The following FBXL7 variants were observed in gnomAD, a reference collection of about 807,000 sequenced individuals.
FBXL7 encodes F-box and leucine rich repeat protein 7.
A neutral mutation model predicts 38.3 loss-of-function variants in FBXL7; 12 were observed. That is an observed-to-expected ratio of 0.31 (90% CI 0.20 to 0.51). The LOEUF is 0.51. Among genes scored for constraint, FBXL7 ranks in the 20% least tolerant of loss-of-function variants. The pLI is 0.98. For missense variants in FBXL7, 567 were observed against 676.4 expected, an observed-to-expected ratio of 0.84 and a Z score of 1.79; for synonymous variants, 297 against 300.9, an observed-to-expected ratio of 0.99 and a Z score of 0.13.
chr5:15,852,982 G>T (rs1037921826), intron 2 of FBXL7, among the ~76,000 whole-genome samples: 7 of 152,136 alleles, frequency 4.6e-5, no homozygotes, highest in African/African-American at 1.7e-4. Context: ...ACTCATGGAG[G>T]GCTGACTATT....
At chr5:15,722,426 A>T (rs1744223944) in intron 2 of FBXL7, among the ~76,000 whole-genome samples, 3 of 152,124 alleles carry the variant, frequency 2.0e-5, no homozygotes, top group Admixed American at 2.0e-4. Flanking sequence ...AGCTACTACA[A>T]GTTGTTAACC....
intron 2 of FBXL7, among the ~76,000 whole-genome samples, chr5:15,727,233 G>T (rs1429518030): frequency 6.6e-6 from 1 of 152,060 alleles, no homozygotes; most frequent in African/African-American, 2.4e-5. Context: ...AAAAAATGGA[G>T]TTATATCTCA....
At chr5:15,816,421 C>A (rs560830621) in intron 2 of FBXL7, among the ~76,000 whole-genome samples, 8 of 152,222 alleles carry the variant, frequency 5.3e-5, no homozygotes, top group Non-Finnish European at 1.2e-4. Context: ...TTCTCACTTA[C>A]AAGTGGGAGC....
chr5:15,707,023 T>G (rs17602350), intron 2 of FBXL7, among the ~76,000 whole-genome samples: 25,276 of 152,092 alleles, frequency 0.17, 2,286 homozygotes, highest in South Asian at 0.25. Context: ...ATATTAAAAT[T>G]TAAGCCTTCA....
chr5:15,778,447 A>G (rs559078666), intron 2 of FBXL7, among the ~76,000 whole-genome samples: 2 of 152,206 alleles, frequency 1.3e-5, no homozygotes, highest in East Asian at 3.9e-4. Context: ...AAACCTGGAG[A>G]GCTTTGAAAA....
intron 2 of FBXL7, among the ~76,000 whole-genome samples, chr5:15,895,044 G>A (rs903432917): frequency 1.3e-5 from 2 of 152,126 alleles, no homozygotes; most frequent in Non-Finnish European, 2.9e-5. Context: ...CCAAATGAAA[G>A]TGTTTCAAAA....
chr5:15,689,115 C>T lies in FBXL7; in HGVS notation c.127+73043C>T, dbSNP rs756923889. Among the ~76,000 whole-genome samples the T allele has an allele frequency of 6.8e-4, 104 of 152,174 alleles. 1 individual carries two copies. Among genetic ancestry groups the T allele is most frequent in the South Asian group, 6.2e-4 (3 of 4,832 alleles). The stretch of plus-strand genomic sequence containing the variant: ...ACCTAGCGGGAACTCCAACGGTGCA[C>T]GTCATGGGCAATGCGACAGCTCCTA... On this transcript the variant is annotated intron_variant, in intron 2 of 3. Transcript: ENST00000504595.
intron 2 of FBXL7, among the ~76,000 whole-genome samples, chr5:15,846,036 G>C (rs35284498): frequency 2.4e-3 from 373 of 152,340 alleles, no homozygotes; most frequent in African/African-American, 8.5e-3. Flanking sequence ...GCCTAGTCCA[G>C]TTCTCCAAAT....
chr5:15,681,341 G>C (rs977829661), intron 2 of FBXL7, among the ~76,000 whole-genome samples: 2 of 152,170 alleles, frequency 1.3e-5, no homozygotes, highest in Non-Finnish European at 2.9e-5. Context: ...ATCAGTAGGG[G>C]ACTTTGTTAA....
At chr5:15,827,689 A>G (rs1432027669) in intron 2 of FBXL7, among the ~76,000 whole-genome samples, 2 of 152,160 alleles carry the variant, frequency 1.3e-5, no homozygotes, top group Admixed American at 6.5e-5. Context: ...TCACAGCCCA[A>G]TCACCACTCA....
chr5:15,809,456 C>T lies in FBXL7; in HGVS notation c.128-118434C>T, dbSNP rs4702111. 9.1e-4 allele frequency among the ~76,000 whole-genome samples: 139 copies of T among 152,160 alleles called. 1 individual carries two copies. The Middle Eastern group carries it at 0.024, about 26-fold the overall frequency. ...GAGAGAAGACCAATAATAGAATTAACTTCATAGGGTTGTTAGGTGGAATAA... is the reference window on the plus strand; with the variant it reads ...GAGAGAAGACCAATAATAGAATTAATTTCATAGGGTTGTTAGGTGGAATAA... On this transcript the variant is annotated intron_variant, in intron 2 of 3. Transcript: ENST00000504595.
chr5:15,762,219 T>G (rs1736466189), intron 2 of FBXL7, among the ~76,000 whole-genome samples: 1 of 152,196 alleles, frequency 6.6e-6, no homozygotes, highest in Non-Finnish European at 1.5e-5. Flanking sequence ...CCATCCTCAG[T>G]TCCTTGTCAT....
chr5:15,841,991 G>A (rs991731851), intron 2 of FBXL7, among the ~76,000 whole-genome samples: 1 of 152,202 alleles, frequency 6.6e-6, no homozygotes, highest in African/African-American at 2.4e-5. Context: ...ATGTGGGATT[G>A]GAGACCCAAC....
At chr5:15,673,924 T>G (rs1436983007) in intron 2 of FBXL7, among the ~76,000 whole-genome samples, 1 of 152,160 alleles carries the variant, frequency 6.6e-6, no homozygotes, top group African/African-American at 2.4e-5. Context: ...AAGCATGCAA[T>G]TCCCTGAGCA....
chr5:15,753,093 CTCT>C (rs1736196610), intron 2 of FBXL7, among the ~76,000 whole-genome samples: 3 of 152,146 alleles, frequency 2.0e-5, no homozygotes, highest in Admixed American at 6.5e-5. Context: ...ATTATAACTC[CTCT>C]TGCAGGGAGG....
intron 2 of FBXL7, among the ~76,000 whole-genome samples, chr5:15,748,796 G>C (rs1056225618): frequency 3.3e-5 from 5 of 152,082 alleles, no homozygotes; most frequent in Non-Finnish European, 7.4e-5. Flanking sequence ...TCAAACTTGG[G>C]GACTCAAGTG....
At chr5:15,679,059 C>A in intron 2 of FBXL7, among the ~76,000 whole-genome samples, 1 of 152,320 alleles carries the variant, frequency 6.6e-6, no homozygotes, top group African/African-American at 2.4e-5. Flanking sequence ...TCTCTGCCAC[C>A]ACACAGCTGA....
Position 15,501,930 on chromosome 5 carries a change from A to G in FBXL7, c.37+1217A>G, listed in dbSNP as rs193267722. 7.4e-3 allele frequency among the ~76,000 whole-genome samples: 994 copies of G among 134,396 alleles called. 34 individuals carry two copies. Among genetic ancestry groups the G allele is most frequent in the Admixed American group, 0.063 (883 of 13,938 alleles). 88.2% of individuals were successfully genotyped at this position (134,396 alleles called of 152,430 possible). On this transcript the variant is annotated intron_variant, in intron 1 of 3. Coordinates refer to ENST00000504595, the MANE Select transcript of FBXL7 (RefSeq NM_012304.5). ...TTTCCTTGTCTTGGGCAGTGATTTG[A>G]GTTTTTTTTTTTTTGACAATTTTTT... is the stretch of plus-strand genomic sequence containing the variant.
intron 2 of FBXL7, among the ~76,000 whole-genome samples, chr5:15,901,280 T>A (rs991440646): frequency 5.9e-5 from 9 of 152,202 alleles, no homozygotes; most frequent in African/African-American, 2.2e-4. Context: ...TGCTTTTTGA[T>A]TCATGGATGA....
Sources: allele counts gnomAD v4.1 joint callset (sites outside exome capture counted in the v4.1 genomes callset), GRCh38; gene constraint gnomAD v4.1.1; transcripts MANE v1.5; gene names NCBI Gene and HGNC (gene_info 2026-07-23, HGNC 2026-07-21).